FBN3: variants seen among roughly 807,000 people sequenced by gnomAD.
FBN3 encodes fibrillin-3.
In FBN3, 234 loss-of-function variants were observed where a neutral mutation model predicts 330.1. That is an observed-to-expected ratio of 0.71 (90% CI 0.64 to 0.79). FBN3 has a LOEUF of 0.79. Ranked by LOEUF, FBN3 falls within the 30% of genes least tolerant of loss-of-function variation. FBN3 has a pLI of 0.00. For missense variants in FBN3, 3,606 were observed against 3,886.9 expected, an observed-to-expected ratio of 0.93 and a Z score of 1.92; for synonymous variants, 1,458 against 1,517.3, an observed-to-expected ratio of 0.96 and a Z score of 0.91.
chr19:8,147,503 G>T lies in FBN3; in HGVS notation c.-17-6C>A. 6.9e-7 allele frequency: 1 copy of T among 1,443,004 alleles called. No individual in the cohort carries two copies. Among genetic ancestry groups the T allele is most frequent in the Admixed American group, 2.9e-5 (1 of 35,058 alleles). 89.4% of individuals were successfully genotyped at this position (1,443,004 alleles called of 1,614,324 possible). ...CATGGCGTGTCCCCTGGAGGCTGCG[G>T]AGAGGAAGCAGAGTCAGCCCTAGAT... On this transcript the variant is annotated splice_polypyrimidine_tract_variant and splice_region_variant and intron_variant, in intron 1 of 63. Coordinates refer to ENST00000600128, the MANE Select transcript of FBN3 (RefSeq NM_032447.5).
rs555473769 is a variant in FBN3, at chr19:8,105,506, C to T, written c.4813+602G>A. On this transcript the variant is annotated intron_variant, in intron 38 of 63. Coordinates refer to ENST00000600128, the MANE Select transcript of FBN3 (RefSeq NM_032447.5). ...CTCCTGGCCTCAAGCAATCCTCCCA[C>T]TTCAGCCTCCCAAAGTACTGGGATT... 2.3e-3 allele frequency among the ~76,000 whole-genome samples: 349 copies of T among 152,314 alleles called. 2 individuals are homozygous for T. Among genetic ancestry groups the T allele is most frequent in the African/African-American group, 8.1e-3 (335 of 41,562 alleles).
chr19:8,138,601 A>G, intron 8 of FBN3, 37 bp from the exon 9 acceptor site: 5 of 1,555,702 alleles, frequency 3.2e-6, no homozygotes, highest in Non-Finnish European at 4.3e-6. Context: ...TGAGCACAGG[A>G]CATCAGTGAC....
At chr19:8,098,062 C>T (rs1239936735) in intron 41 of FBN3, among the ~76,000 whole-genome samples, 9 of 152,166 alleles carry the variant, frequency 5.9e-5, no homozygotes, top group East Asian at 1.9e-4. Flanking sequence ...TAGATTGAGG[C>T]GATGGTTGTG....
At chr19:8,135,855 G>T in intron 13 of FBN3, 106 bp downstream of exon 13, 3 of 1,298,426 alleles carry the variant, frequency 2.3e-6, no homozygotes, top group Non-Finnish European at 3.2e-6. Context: ...AGGAGACGTC[G>T]TAGGGAGGGA....
Position 8,144,939 on chromosome 19 carries a change from C to A in FBN3, c.479G>T (p.Arg160Leu), listed in dbSNP as rs554641249. Reference sequence around the variant, plus strand: ...GGCGCAGCGGTTGGGCCCAATGCAGCGACCCCCATTGTGGCAGCCGCGGTC... The same window carrying A: ...GGCGCAGCGGTTGGGCCCAATGCAGAGACCCCCATTGTGGCAGCCGCGGTC... ...ICDRGCHNGG[R>L]CIGPNRCACV... is the part of the protein sequence containing the mutation. The change falls in exon 6 of 64, where the codon CGC becomes CTC. Residue 160 changes from arginine (R) to leucine (L), a missense_variant. Physicochemically the swap from Arg to Leu is moderately radical, Grantham distance 102. Transcript: ENST00000600128. 10 of 1,612,282 alleles carry A rather than the reference C, an allele frequency of 6.2e-6. No homozygotes were observed. In the East Asian group the frequency reaches 1.8e-4, roughly 29 times the overall value.
intron 55 of FBN3, 37 bp from the exon 56 acceptor site, chr19:8,085,606 G>A: frequency 6.8e-7 from 1 of 1,464,552 alleles, no homozygotes; most frequent in Non-Finnish European, 9.1e-7. Context: ...GGTCACTCCA[G>A]GAGGCTGGTT....
chr19:8,128,910 T>C, intron 18 of FBN3, 118 bp downstream of exon 18: 3 of 1,231,080 alleles, frequency 2.4e-6, no homozygotes, highest in South Asian at 1.5e-5. Context: ...CGTGTGTGAA[T>C]AGAGGTAACA....
chr19:8,128,900 C>A, intron 18 of FBN3, 128 bp downstream of exon 18: 2 of 1,094,572 alleles, frequency 1.8e-6, no homozygotes. Context: ...ATATAGCATG[C>A]GTGTGTGAAT....
At chr19:8,070,936 C>T (rs1242012330) in intron 63 of FBN3, among the ~76,000 whole-genome samples, 1 of 151,540 alleles carries the variant, frequency 6.6e-6, no homozygotes, top group Non-Finnish European at 1.5e-5. Flanking sequence ...GCAGGAGAAT[C>T]GCCTGAACCC....
intron 13 of FBN3, 25 bp downstream of exon 13, chr19:8,135,936 G>GGGGGGGGGGGGGGGGGGGGGGCCC: frequency 4.5e-6 from 3 of 668,776 alleles, no homozygotes; most frequent in Non-Finnish European, 7.2e-6. Flanking sequence ...GGAAGCCCCT[G>GGGGGGGGGGGGGGGGGGGGGGCCC]CCCACCCGCC....
Position 8,147,442 on chromosome 19 carries a change from CA to C in FBN3, c.38del (p.Leu13ArgfsTer102), listed in dbSNP as rs2083577706. 1 of 1,566,896 alleles carries C rather than the reference CA, an allele frequency of 6.4e-7. No homozygotes were observed. Among genetic ancestry groups the C allele is most frequent in the African/African-American group, 1.4e-5 (1 of 73,554 alleles). On this transcript the variant is annotated frameshift_variant, in exon 2 of 64. Transcript: ENST00000600128. LOFTEE classifies it high-confidence loss of function. ...LEGLYLARGP[L>X]ARLLLAWSAL... ...CCGACCAGGCCAGCAGGAGCCGGGCCAGGGGGCCCCTTGCCAAATACAGACC... is the reference window on the plus strand; with the variant it reads ...CCGACCAGGCCAGCAGGAGCCGGGCCGGGGGCCCCTTGCCAAATACAGACC...
rs1368186133 is a variant in FBN3, at chr19:8,109,635, G to A, written c.4452C>T (p.Cys1484=). ...DFELNPSGVG[C]VDTRAGNCFL... Reference sequence around the variant, plus strand: ...TGGAGTTGAGCATGGACTCACCCACGCAGCCCACTCCGCTGGGGTTCAGCT... The same window carrying A: ...TGGAGTTGAGCATGGACTCACCCACACAGCCCACTCCGCTGGGGTTCAGCT... The change falls in exon 35 of 64, where the codon TGC becomes TGT. Residue 1484 remains cysteine, a synonymous_variant. Transcript: ENST00000600128. The surrounding 1 kb of genome is among the most constrained non-coding windows in gnomAD (Gnocchi z 5.2). 3.8e-6 allele frequency: 6 copies of A among 1,593,442 alleles called. No homozygotes were observed. Among genetic ancestry groups the A allele is most frequent in the Middle Eastern group, 1.7e-4 (1 of 5,958 alleles).
chr19:8,118,316 C>T (rs2082757752), intron 26 of FBN3, among the ~76,000 whole-genome samples: 1 of 152,090 alleles, frequency 6.6e-6, no homozygotes, highest in Non-Finnish European at 1.5e-5. Flanking sequence ...AGAAATTAGC[C>T]AGGCATAGTG....
At position 8,085,537 on chromosome 19, in the gene FBN3, G is replaced by A. The variant is rs758321010; in HGVS notation, c.6913C>T (p.Leu2305=). 2 of 1,587,616 alleles carry A rather than the reference G, an allele frequency of 1.3e-6. No homozygotes were observed. Among genetic ancestry groups the A allele is most frequent in the South Asian group, 2.3e-5 (2 of 87,210 alleles). The change falls in exon 56 of 64, where the codon CTG becomes TTG. Residue 2305 remains leucine (L), a synonymous_variant. Transcript: ENST00000600128. Reference sequence around the variant, plus strand: ...GACAGAGACCGGCACATGGTCTGCAGCACCTCGGCAAAGCAGGGCCCCTGC... The same window carrying A: ...GACAGAGACCGGCACATGGTCTGCAACACCTCGGCAAAGCAGGGCCCCTGC... The part of the protein sequence containing the change: ...IRQGPCFAEV[L]QTMCRSLSSS...
In FBN3 at chr19:8,108,271, G is replaced by T. The variant is rs73505658; in HGVS notation, c.4619-33C>A. 3.2e-3 allele frequency: 5,079 copies of T among 1,572,718 alleles called. 155 individuals are homozygous for T. In the African/African-American group the frequency reaches 0.062, roughly 19 times the overall value. ...GGGAAACAGGCTCCTGTGAGGTGGG[G>T]TATTGGGGCAAAGCTTAGGGGAAAC... On this transcript the variant is annotated intron_variant, in intron 36 of 63. Coordinates refer to ENST00000600128, the MANE Select transcript of FBN3 (RefSeq NM_032447.5).
rs2081370244 is a variant in FBN3 at position 8,065,478 on chromosome 19, G to C, written c.*441C>G. Reference sequence around the variant, plus strand: ...TCCAAATGGGGGGCAAATGTGGCAAGTCACTGTGGAGTCTGGGCCCCCTGT... The same window carrying C: ...TCCAAATGGGGGGCAAATGTGGCAACTCACTGTGGAGTCTGGGCCCCCTGT... On this transcript the variant is annotated 3_prime_UTR_variant, in exon 64 of 64. Coordinates refer to ENST00000600128, the MANE Select transcript of FBN3 (RefSeq NM_032447.5). 5.8e-6 allele frequency: 1 copy of C among 172,328 alleles called. No homozygotes were observed. Among genetic ancestry groups the C allele is most frequent in the Non-Finnish European group, 1.2e-5 (1 of 82,278 alleles). The allele number at this position is 172,328 out of a possible 1,614,324, so 10.7% of individuals were successfully genotyped here.
In FBN3 at chr19:8,073,149, C is replaced by T. The variant is rs1308599999; in HGVS notation, c.7851G>A (p.Arg2617=). The change falls in exon 62 of 64, where the codon CGG becomes CGA. Residue 2617 remains arginine, a synonymous_variant. Transcript: ENST00000600128. The stretch of plus-strand genomic sequence containing the variant: ...CACAGCTGTAGCTACAGGGGCCACG[C>T]CGTCCGGCGCACTCATCCACCTCCT... ...GCQEVDECAG[R]RGPCSYSCAN... is the part of the protein sequence containing the mutation. 1 of 1,613,874 alleles carries T rather than the reference C, an allele frequency of 6.2e-7. No homozygotes were observed. Among genetic ancestry groups the T allele is most frequent in the South Asian group, 1.1e-5 (1 of 91,076 alleles).
chr19:8,076,512 G>A (rs4804261), intron 59 of FBN3, among the ~76,000 whole-genome samples: 94,851 of 151,724 alleles, frequency 0.63, 31,305 homozygotes, highest in African/African-American at 0.84. Flanking sequence ...GGTGGTACAC[G>A]CCTGTAGTCC....
In FBN3 at chr19:8,141,520, C is replaced by T. The variant is rs187292587; in HGVS notation, c.865+197G>A. Among the ~76,000 whole-genome samples the T allele has an allele frequency of 3.9e-3, 600 of 152,244 alleles. 3 individuals are homozygous for T. The highest frequency in any genetic ancestry group is 0.014 in the African/African-American group (562 of 41,546). The stretch of plus-strand genomic sequence containing the variant: ...TGGGAACAGGTGCACACGTAGCTCC[C>T]GACAGTGTTGGTGCAGTCACCCCCA... On this transcript the variant is annotated intron_variant, in intron 8 of 63. Transcript: ENST00000600128.
Sources: gnomAD v4.1 joint callset for allele counts (sites outside exome capture counted in the v4.1 genomes callset) on GRCh38, gnomAD v4.1.1 for gene constraint, Gnocchi (gnomAD v3.1) non-coding constraint, MANE v1.5 for transcripts, NCBI Gene and HGNC (gene_info 2026-07-23, HGNC 2026-07-21) for gene names.